FAR2: variants seen among roughly 807,000 people sequenced by gnomAD.
FAR2 encodes the protein fatty acyl-CoA reductase 2, also known as epididymis secretory protein Li 81.
In FAR2, 19 loss-of-function variants were observed where a neutral mutation model predicts 56.0. That is an observed-to-expected ratio of 0.34 (90% CI 0.24 to 0.50). FAR2 has a LOEUF of 0.50. FAR2 is among the 20% of genes least tolerant of loss of function. The probability of loss-of-function intolerance (pLI) is 0.98; values close to 1 mark genes in which losing one functional copy is unlikely to be tolerated. For synonymous variants in FAR2, 219 were observed against 218.8 expected, an observed-to-expected ratio of 1.00 and a Z score of -0.01; for missense variants, 508 against 642.2, an observed-to-expected ratio of 0.79 and a Z score of 2.26.
intron 1 of FAR2, among the ~76,000 whole-genome samples, chr12:29,166,017 A>G (rs1256225452): frequency 6.6e-6 from 1 of 152,264 alleles, no homozygotes; most frequent in Non-Finnish European, 1.5e-5. Context: ...TGGCTCTGTC[A>G]CTAACAGCGG....
chr12:29,255,559 C>T (rs1481961602), intron 1 of FAR2, among the ~76,000 whole-genome samples: 1 of 152,192 alleles, frequency 6.6e-6, no homozygotes, highest in Admixed American at 6.5e-5. Context: ...TTTTTATACT[C>T]CTAGTGCCCA....
chr12:29,250,299 T>C (rs532490010), intron 1 of FAR2, among the ~76,000 whole-genome samples: 1 of 152,290 alleles, frequency 6.6e-6, no homozygotes, highest in Non-Finnish European at 1.5e-5. Context: ...GTCAGACCAG[T>C]TGGATCCATT....
chr12:29,312,023 T>C, intron 8 of FAR2, 73 bp downstream of exon 8: 3 of 1,133,670 alleles, frequency 2.6e-6, no homozygotes, highest in Non-Finnish European at 2.6e-6. Context: ...AAGTGTGTCA[T>C]GGAGCTTAGA....
intron 1 of FAR2, among the ~76,000 whole-genome samples, chr12:29,244,873 A>G (rs1308189363): frequency 6.6e-6 from 1 of 152,222 alleles, no homozygotes; most frequent in East Asian, 1.9e-4. Flanking sequence ...AAGATCAAAT[A>G]TGATAAGAGT....
chr12:29,210,787 A>T (rs140140102), intron 1 of FAR2, among the ~76,000 whole-genome samples: 1,552 of 152,282 alleles, frequency 0.01, 17 homozygotes, highest in African/African-American at 0.034. Context: ...CCCCGTCTCT[A>T]CTAAAAATAG....
intron 1 of FAR2, among the ~76,000 whole-genome samples, chr12:29,220,638 A>C (rs970792002): frequency 1.3e-5 from 2 of 152,072 alleles, no homozygotes; most frequent in African/African-American, 4.8e-5. Flanking sequence ...ATTTTCTCTC[A>C]TTGTTAGCAG....
intron 1 of FAR2, among the ~76,000 whole-genome samples, chr12:29,166,438 A>T (rs1320050448): frequency 6.6e-6 from 1 of 152,170 alleles, no homozygotes; most frequent in African/African-American, 2.4e-5. Flanking sequence ...GATAATGCAG[A>T]TCTCTGCTTT....
intron 1 of FAR2, among the ~76,000 whole-genome samples, chr12:29,229,345 C>T (rs2136649171): frequency 6.6e-6 from 1 of 152,298 alleles, no homozygotes; most frequent in Middle Eastern, 3.4e-3. Context: ...TATTCTAGCA[C>T]TCCTGCTTTA....
chr12:29,151,729 C>T (rs565873392), intron 1 of FAR2: 3 of 152,358 alleles, frequency 2.0e-5, no homozygotes, highest in African/African-American at 7.2e-5. Context: ...CTGCTGCTCA[C>T]TTAGGTGCTC....
At chr12:29,193,658 A>G (rs952632992) in intron 1 of FAR2, among the ~76,000 whole-genome samples, 2 of 152,200 alleles carry the variant, frequency 1.3e-5, no homozygotes, top group Admixed American at 1.3e-4. Flanking sequence ...ACTGAAGGAC[A>G]TATTAGTTGC....
Position 29,284,349 on chromosome 12 carries a change from G to A in FAR2, c.190-8951G>A, listed in dbSNP as rs140129970. ...GTACCAGGTTGAGAATTCCTCATCC[G>A]AGAAGACCAGACAAAATTCAAGGTT... On this transcript the variant is annotated intron_variant, in intron 2 of 11. Coordinates refer to ENST00000536681, the MANE Select transcript of FAR2 (RefSeq NM_001271783.2). Among the ~76,000 whole-genome samples the A allele has an allele frequency of 3.8e-3, 585 of 152,284 alleles. 5 individuals are homozygous for A. Among genetic ancestry groups the A allele is most frequent in the Non-Finnish European group, 5.9e-3 (401 of 68,018 alleles).
At chr12:29,158,103 T>A (rs1048115849) in intron 1 of FAR2, among the ~76,000 whole-genome samples, 2 of 152,320 alleles carry the variant, frequency 1.3e-5, no homozygotes, top group African/African-American at 4.8e-5. Context: ...GAGAAACTGT[T>A]TACTTAAAAT....
At chr12:29,250,840 G>A (rs897884440) in intron 1 of FAR2, among the ~76,000 whole-genome samples, 1 of 152,138 alleles carries the variant, frequency 6.6e-6, no homozygotes, top group Admixed American at 6.6e-5. Flanking sequence ...GGGAGCCCCA[G>A]CATCCTAGAG....
intron 1 of FAR2, among the ~76,000 whole-genome samples, chr12:29,221,870 C>T (rs930777095): frequency 4.6e-5 from 7 of 151,574 alleles, no homozygotes; most frequent in East Asian, 1.9e-4. Context: ...TTTTTTGAGA[C>T]GGAGTCTCGC....
intron 2 of FAR2, chr12:29,293,073 C>T (rs956336780): frequency 8.3e-5 from 28 of 337,700 alleles, no homozygotes; most frequent in Middle Eastern, 8.0e-4. Flanking sequence ...TACCATGTTG[C>T]GCAGGCTGGT....
At chr12:29,275,424 C>CTGGATGTGT (rs1948694380) in intron 2 of FAR2, among the ~76,000 whole-genome samples, 1 of 152,120 alleles carries the variant, frequency 6.6e-6, no homozygotes, top group Admixed American at 6.5e-5. Flanking sequence ...ACGTGCAGGT[C>CTGGATGTGT]ACTGGGGATA....
At chr12:29,199,281 G>C (rs865847596) in intron 1 of FAR2, among the ~76,000 whole-genome samples, 4 of 152,276 alleles carry the variant, frequency 2.6e-5, no homozygotes, top group Middle Eastern at 6.8e-3. Context: ...GTCAGCAAGA[G>C]AATGAAATGA....
At chr12:29,160,711 C>T (rs1313746327) in intron 1 of FAR2, among the ~76,000 whole-genome samples, 2 of 152,044 alleles carry the variant, frequency 1.3e-5, no homozygotes, top group African/African-American at 4.8e-5. Flanking sequence ...AGGATCTGTT[C>T]CAGACCTCTC....
At chr12:29,233,129 A>G (rs930127424) in intron 1 of FAR2, among the ~76,000 whole-genome samples, 8 of 151,970 alleles carry the variant, frequency 5.3e-5, no homozygotes, top group Non-Finnish European at 1.2e-4. Flanking sequence ...ATTTTTAATC[A>G]TTCTCCTAAA....
Sources: gnomAD v4.1 joint callset for allele counts (sites outside exome capture counted in the v4.1 genomes callset) on GRCh38, gnomAD v4.1.1 for gene constraint, MANE v1.5 for transcripts, NCBI Gene and HGNC (gene_info 2026-07-23, HGNC 2026-07-21) for gene names.